Variants in TGFBR2 observed in about 807,000 individuals in gnomAD.
TGFBR2 encodes TGF-beta receptor type-2.
In TGFBR2, 18 loss-of-function variants were observed where a neutral mutation model predicts 49.0. That is an observed-to-expected ratio of 0.37 (90% CI 0.25 to 0.54). TGFBR2 has a LOEUF of 0.54. Ranked by LOEUF, TGFBR2 falls within the 20% of genes least tolerant of loss-of-function variation. The probability of loss-of-function intolerance (pLI) is 0.85; values close to 1 mark genes in which losing one functional copy is unlikely to be tolerated. For missense variants in TGFBR2, 525 were observed against 722.6 expected (o/e 0.73, Z 3.13); for synonymous variants, 282 against 275.9 (o/e 1.02, Z -0.22).
At chr3:30,654,596 G>A (rs1203757649) in intron 3 of TGFBR2, among the ~76,000 whole-genome samples, 2 of 152,140 alleles carry the variant, frequency 1.3e-5, no homozygotes, top group African/African-American at 4.8e-5. Context: ...GTCTATCCCT[G>A]TACTAACCAA....
Position 30,692,609 on chromosome 3 carries a change from T to C in TGFBR2, c.*1010T>C. The C allele has an allele frequency of 4.3e-6, 1 of 233,242 alleles. No homozygotes were observed. The highest frequency in any genetic ancestry group is 8.5e-6 in the Non-Finnish European group (1 of 117,936). 14.4% of individuals were successfully genotyped at this position (233,242 alleles called of 1,614,324 possible). A position where few individuals can be genotyped will look rare whatever the true frequency, so the allele number is the denominator to read the frequency against. The stretch of plus-strand genomic sequence containing the variant: ...TATCGTGTTTACTTTTTCATTACAC[T>C]TGACTTGATTTTCTAGTTTTCTATA... On this transcript the variant is annotated 3_prime_UTR_variant, in exon 7 of 7. Coordinates refer to ENST00000295754, the MANE Select transcript of TGFBR2 (RefSeq NM_003242.6).
intron 1 of TGFBR2, among the ~76,000 whole-genome samples, chr3:30,640,081 G>T (rs1698616425): frequency 6.6e-6 from 1 of 152,188 alleles, no homozygotes; most frequent in South Asian, 2.1e-4. Context: ...ACCTCTGTCT[G>T]TAGGCAGTGA....
chr3:30,667,355 G>A (rs1162589673), intron 3 of TGFBR2, among the ~76,000 whole-genome samples: 1 of 152,154 alleles, frequency 6.6e-6, no homozygotes, highest in South Asian at 2.1e-4. Flanking sequence ...CAACCCAAGG[G>A]TTAATACTGC....
intron 1 of TGFBR2, among the ~76,000 whole-genome samples, chr3:30,636,794 G>C (rs939703492): frequency 6.6e-6 from 1 of 151,922 alleles, no homozygotes; most frequent in African/African-American, 2.4e-5. Flanking sequence ...GCCAGGCGTG[G>C]TGGCTCAAGC....
At chr3:30,643,814 T>C (rs1698683806) in intron 1 of TGFBR2, among the ~76,000 whole-genome samples, 1 of 152,154 alleles carries the variant, frequency 6.6e-6, no homozygotes, top group Admixed American at 6.5e-5. Context: ...GTGCAGACAA[T>C]AAATAAAACA....
chr3:30,688,178 A>G (rs1699656074), intron 5 of TGFBR2, among the ~76,000 whole-genome samples: 1 of 152,200 alleles, frequency 6.6e-6, no homozygotes, highest in Non-Finnish European at 1.5e-5. Context: ...CTCAACAATC[A>G]TTTATTGAAT....
chr3:30,686,526 A>G (rs1186630966), intron 5 of TGFBR2, among the ~76,000 whole-genome samples: 2 of 152,234 alleles, frequency 1.3e-5, no homozygotes, highest in African/African-American at 4.8e-5. Context: ...AAAGATAAAT[A>G]TTCAAGTAGA....
chr3:30,614,410 T>G (rs1698094338), intron 1 of TGFBR2, among the ~76,000 whole-genome samples: 1 of 152,160 alleles, frequency 6.6e-6, no homozygotes, highest in Admixed American at 6.5e-5. Flanking sequence ...GTTGGGTGCA[T>G]ATTTTCAGTA....
intron 4 of TGFBR2, 88 bp from the exon 5 acceptor site, chr3:30,674,017 C>A: frequency 6.6e-7 from 1 of 1,521,446 alleles, no homozygotes; most frequent in Non-Finnish European, 9.1e-7. Flanking sequence ...ATCCTCTGCA[C>A]GTGTCAGGGG....
At position 30,694,038 on chromosome 3, in the gene TGFBR2, C is replaced by A; in HGVS notation, c.*2439C>A. 4.3e-6 allele frequency: 1 copy of A among 230,270 alleles called. No homozygotes were observed. Among genetic ancestry groups the A allele is most frequent in the Non-Finnish European group, 8.6e-6 (1 of 115,952 alleles). 14.3% of individuals were successfully genotyped at this position (230,270 alleles called of 1,614,324 possible). A position where few individuals can be genotyped will look rare whatever the true frequency, so the allele number is the denominator to read the frequency against. On this transcript the variant is annotated 3_prime_UTR_variant, in exon 7 of 7. Transcript: ENST00000295754. ...AAAGTCTCAAGCACTTATTTTTATT[C>A]TATGCATTGTTTGTCTTTTACATAA...
intron 5 of TGFBR2, among the ~76,000 whole-genome samples, chr3:30,680,071 G>A (rs1253844474): frequency 3.9e-5 from 6 of 152,216 alleles, no homozygotes; most frequent in Admixed American, 6.5e-5. Context: ...GTTGCAGTGA[G>A]CTGAGATCGT....
intron 1 of TGFBR2, among the ~76,000 whole-genome samples, chr3:30,637,030 C>G (rs985685280): frequency 1.3e-5 from 2 of 149,660 alleles, no homozygotes; most frequent in African/African-American, 2.5e-5. Context: ...CGCCACTGCA[C>G]TCCAGCCTGG....
intron 1 of TGFBR2, among the ~76,000 whole-genome samples, chr3:30,637,345 G>A (rs1437456434): frequency 1.3e-5 from 2 of 152,160 alleles, no homozygotes; most frequent in Admixed American, 1.3e-4. Flanking sequence ...ATGACCTCCT[G>A]AAGAGAACCT....
intron 5 of TGFBR2, among the ~76,000 whole-genome samples, chr3:30,677,949 G>C (rs572149118): frequency 4.4e-4 from 67 of 152,336 alleles, no homozygotes; most frequent in African/African-American, 1.5e-3. Flanking sequence ...TAAGGAAGAG[G>C]GAAGGATGTA....
rs1377622254 is a variant in TGFBR2 at position 30,670,636 on chromosome 3, C to G, written c.455-1002C>G. On this transcript the variant is annotated intron_variant, in intron 3 of 6. Coordinates refer to ENST00000295754, the MANE Select transcript of TGFBR2 (RefSeq NM_003242.6). Reference sequence around the variant, plus strand: ...TCTTCCAAAAAGGAAAACTATTTCACCAGAGCCAACAAGGCCAGCACATGA... The same window carrying G: ...TCTTCCAAAAAGGAAAACTATTTCAGCAGAGCCAACAAGGCCAGCACATGA... 7.2e-5 allele frequency among the ~76,000 whole-genome samples: 11 copies of G among 152,332 alleles called. No individual in the cohort carries two copies. In the East Asian group the frequency reaches 2.1e-3, roughly 29 times the overall value.
chr3:30,632,827 G>A (rs1384478444), intron 1 of TGFBR2, among the ~76,000 whole-genome samples: 2 of 152,192 alleles, frequency 1.3e-5, no homozygotes, highest in African/African-American at 2.4e-5. Flanking sequence ...AAGAAGTTAA[G>A]TGGCCCACAG....
chr3:30,674,189 G>A lies in TGFBR2; in HGVS notation c.1339G>A (p.Val447Ile), dbSNP rs750434928. ...ENVESFKQTD[V>I]YSMALVLWEM... is the part of the protein sequence containing the mutation. ...TGTTGAGTCCTTCAAGCAGACCGAT[G>A]TCTACTCCATGGCTCTGGTGCTCTG... The change falls in exon 5 of 7, where the codon GTC becomes ATC. Residue 447 changes from valine to isoleucine, a missense_variant. Physicochemically the swap from Val to Ile is conservative, Grantham distance 29. Transcript: ENST00000295754. The A allele has an allele frequency of 1.2e-6, 2 of 1,614,176 alleles. No individual in the cohort carries two copies. Among genetic ancestry groups the A allele is most frequent in the Non-Finnish European group, 1.7e-6 (2 of 1,180,022 alleles).
At chr3:30,644,167 C>G (rs956890065) in intron 1 of TGFBR2, among the ~76,000 whole-genome samples, 1 of 152,288 alleles carries the variant, frequency 6.6e-6, no homozygotes, top group Non-Finnish European at 1.5e-5. Flanking sequence ...ACCCTTATAG[C>G]TCTTTCAGGA....
chr3:30,608,416 G>A (rs140895791), intron 1 of TGFBR2, among the ~76,000 whole-genome samples: 177 of 152,164 alleles, frequency 1.2e-3, no homozygotes, highest in African/African-American at 3.8e-3. Flanking sequence ...CTTACGTATC[G>A]TGCCCCTCCC....
Sources: gnomAD v4.1 joint callset for allele counts (sites outside exome capture counted in the v4.1 genomes callset) on GRCh38, gnomAD v4.1.1 for gene constraint, MANE v1.5 for transcripts, NCBI Gene and HGNC (gene_info 2026-07-23, HGNC 2026-07-21) for gene names.